SNW1: variants seen among roughly 807,000 people sequenced by gnomAD.
SNW1 encodes the protein SNW domain containing 1.
Under a neutral mutation model 75.6 loss-of-function variants are expected in SNW1, and 9 were observed. The ratio of observed to expected loss-of-function variants is 0.12; its 90% CI spans 0.07 to 0.21. The LOEUF (loss-of-function observed/expected upper bound fraction) is 0.21. Ranked by LOEUF, SNW1 falls within the 10% of genes least tolerant of loss-of-function variation. SNW1 has a pLI of 1.00. For synonymous variants in SNW1, 200 were observed against 219.1 expected (o/e 0.91, Z 0.77); for missense variants, 409 against 670.9 (o/e 0.61, Z 4.31).
chr14:77,731,234 T>C, intron 9 of SNW1, 105 bp from the exon 10 acceptor site: 1 of 1,221,194 alleles, frequency 8.2e-7, no homozygotes, highest in Non-Finnish European at 1.1e-6. Context: ...TTATACAGAA[T>C]TCAGATTTGT....
At chr14:77,727,047 T>G (rs2139898790) in intron 10 of SNW1, among the ~76,000 whole-genome samples, 1 of 149,634 alleles carries the variant, frequency 6.7e-6, no homozygotes, top group East Asian at 1.9e-4. Flanking sequence ...AAGTATAATT[T>G]GATGTCTTGT....
At chr14:77,761,071 C>T (rs761848637) in intron 1 of SNW1, 43 bp downstream of exon 1, 3 of 1,614,266 alleles carry the variant, frequency 1.9e-6, no homozygotes, top group East Asian at 2.2e-5. Context: ...AAGACTGGTA[C>T]TCCCAGACCC....
intron 12 of SNW1, among the ~76,000 whole-genome samples, chr14:77,719,998 A>G (rs954943031): frequency 2.0e-5 from 3 of 152,220 alleles, no homozygotes; most frequent in East Asian, 1.9e-4. Flanking sequence ...GCTAATGGCA[A>G]TTGGTACTAG....
chr14:77,725,774 A>C (rs2080580144), intron 10 of SNW1, among the ~76,000 whole-genome samples: 1 of 152,240 alleles, frequency 6.6e-6, no homozygotes, highest in Admixed American at 6.5e-5. Flanking sequence ...AAAATTAGCC[A>C]GGCGTGGTGG....
At chr14:77,724,054 G>A (rs1045280591) in intron 10 of SNW1, among the ~76,000 whole-genome samples, 1 of 152,078 alleles carries the variant, frequency 6.6e-6, no homozygotes, top group African/African-American at 2.4e-5. Flanking sequence ...TCAAGCATGC[G>A]GCTAAAATAT....
intron 3 of SNW1, 125 bp downstream of exon 3, chr14:77,751,188 TAGGTAC>T: frequency 6.9e-6 from 6 of 864,142 alleles, no homozygotes; most frequent in Non-Finnish European, 1.1e-5. Flanking sequence ...GCTGGGAATA[TAGGTAC>T]GAGCCACCAT....
chr14:77,741,867 G>A (rs745972861), intron 3 of SNW1, among the ~76,000 whole-genome samples: 1 of 152,098 alleles, frequency 6.6e-6, no homozygotes, highest in Non-Finnish European at 1.5e-5. Context: ...AACATAAAGT[G>A]TCAATACTAA....
intron 10 of SNW1, among the ~76,000 whole-genome samples, chr14:77,723,558 C>T (rs1228061477): frequency 5.9e-5 from 9 of 151,700 alleles, no homozygotes; most frequent in Admixed American, 6.6e-5. Context: ...CTTATGTTGT[C>T]GAGGCTGGTC....
chr14:77,748,729 A>AG (rs1380397502), intron 3 of SNW1, among the ~76,000 whole-genome samples: 1 of 151,998 alleles, frequency 6.6e-6, no homozygotes. Context: ...CTGGGACTAC[A>AG]GGTACCCGCC....
chr14:77,744,821 C>G (rs1020671444), intron 3 of SNW1, among the ~76,000 whole-genome samples: 6 of 152,084 alleles, frequency 3.9e-5, no homozygotes, highest in Non-Finnish European at 8.8e-5. Flanking sequence ...GTGATTACCC[C>G]CAAGGAGAAA....
chr14:77,723,325 G>GTACACGTA, intron 10 of SNW1, 48 bp from the exon 11 acceptor site: 2 of 1,322,832 alleles, frequency 1.5e-6, no homozygotes, highest in Non-Finnish European at 2.2e-6. Flanking sequence ...TATTATATGT[G>GTACACGTA]TGCATACGTG....
chr14:77,718,298 GA>G lies in SNW1; in HGVS notation c.1413-13del, dbSNP rs766423503. The G allele has an allele frequency of 5.0e-6, 8 of 1,613,850 alleles. No individual in the cohort carries two copies. In the African/African-American group the frequency reaches 1.1e-4, roughly 22 times the overall value. ...TGTCGGGAACAAATCTAAGGAAAAGGAGAAAAAACTATGAACTACTTTGCTT... is the reference window on the plus strand; with the variant it reads ...TGTCGGGAACAAATCTAAGGAAAAGGGAAAAAACTATGAACTACTTTGCTT... On this transcript the variant is annotated splice_polypyrimidine_tract_variant and intron_variant, in intron 13 of 13. Coordinates refer to ENST00000261531, the MANE Select transcript of SNW1 (RefSeq NM_012245.3).
chr14:77,749,082 C>T (rs1256714220), intron 3 of SNW1, among the ~76,000 whole-genome samples: 2 of 152,076 alleles, frequency 1.3e-5, no homozygotes, highest in African/African-American at 2.4e-5. Context: ...GATACACTTG[C>T]CCTTGTAGAC....
At position 77,717,701 on chromosome 14, in the gene SNW1, T is replaced by C. The variant is rs565631331; in HGVS notation, c.*387A>G. 2 of 725,860 alleles carry C rather than the reference T, an allele frequency of 2.8e-6. No individual in the cohort carries two copies. Among genetic ancestry groups the C allele is most frequent in the South Asian group, 1.8e-5 (1 of 54,886 alleles). The allele number at this position is 725,860 out of a possible 1,614,324, so 45.0% of individuals were successfully genotyped here. A position where few individuals can be genotyped will look rare whatever the true frequency, so the allele number is the denominator to read the frequency against. On this transcript the variant is annotated 3_prime_UTR_variant, in exon 14 of 14. Transcript: ENST00000261531. The stretch of plus-strand genomic sequence containing the variant: ...GAGCACAATAGGGGCAAAATTTATT[T>C]GGCAGGACAGTTCCAGTATGTGAAC...
In SNW1 at chr14:77,755,128, CAAAG is replaced by C. The variant is rs2080834505; in HGVS notation, c.15-12_15-9del. ...GTAGGTGCAGGTAAAAAGCTATAAG[CAAAG>C]ATAATAAAAGTCAGAAATTTAAAAA... On this transcript the variant is annotated splice_polypyrimidine_tract_variant and intron_variant, in intron 1 of 13. Coordinates refer to ENST00000261531, the MANE Select transcript of SNW1 (RefSeq NM_012245.3). The C allele has an allele frequency of 6.2e-7, 1 of 1,607,624 alleles. No individual in the cohort carries two copies. The highest frequency in any genetic ancestry group is 1.3e-5 in the African/African-American group (1 of 74,448).
At chr14:77,738,239 T>G (rs1403575277) in intron 5 of SNW1, among the ~76,000 whole-genome samples, 1 of 151,992 alleles carries the variant, frequency 6.6e-6, no homozygotes, top group East Asian at 1.9e-4. Context: ...AGGCAGAGGT[T>G]ACAGTGAGCC....
intron 9 of SNW1, among the ~76,000 whole-genome samples, chr14:77,731,795 G>A (rs1178239707): frequency 6.6e-6 from 1 of 152,156 alleles, no homozygotes; most frequent in Non-Finnish European, 1.5e-5. Flanking sequence ...CTGAAGTGCA[G>A]TGGTGCGTTC....
intron 1 of SNW1, 46 bp downstream of exon 1, chr14:77,761,068 G>A: frequency 3.1e-6 from 5 of 1,614,198 alleles, no homozygotes; most frequent in Non-Finnish European, 4.2e-6. Context: ...AAGAAGACTG[G>A]TACTCCCAGA....
intron 8 of SNW1, among the ~76,000 whole-genome samples, 188 bp downstream of exon 8, chr14:77,734,759 C>A (rs528923004): frequency 6.6e-6 from 1 of 151,756 alleles, no homozygotes; most frequent in African/African-American, 2.4e-5. Context: ...GGAACTGACA[C>A]GGTATTCACG....
Sources: allele counts gnomAD v4.1 joint callset (sites outside exome capture counted in the v4.1 genomes callset), GRCh38; gene constraint gnomAD v4.1.1; transcripts MANE v1.5; gene names NCBI Gene and HGNC (gene_info 2026-07-23, HGNC 2026-07-21).